The following RIMS1 variants were observed in gnomAD, a reference collection of about 807,000 sequenced individuals.
The protein encoded by RIMS1 is regulating synaptic membrane exocytosis protein 1.
RIMS1 carries 83 observed loss-of-function variants against 214.1 expected under a neutral mutation model. The observed-to-expected ratio is 0.39, with a 90% CI of 0.32 to 0.47. The LOEUF is 0.47. Among genes scored for constraint, RIMS1 ranks in the 20% least tolerant of loss-of-function variants. The pLI is 0.99. For missense variants in RIMS1, 2,050 were observed against 2,161.8 expected (o/e 0.95, Z 1.03); for synonymous variants, 793 against 786.8 (o/e 1.01, Z -0.13).
At chr6:72,202,033 T>C (rs572075287) in intron 6 of RIMS1, among the ~76,000 whole-genome samples, 22 of 152,358 alleles carry the variant, frequency 1.4e-4, no homozygotes, top group Admixed American at 4.6e-4. Flanking sequence ...ATTCTAGGTT[T>C]ATTGTATTTA....
Position 71,992,299 on chromosome 6 carries a change from A to G in RIMS1, c.245+23236A>G, listed in dbSNP as rs534021686. Among the ~76,000 whole-genome samples, 70 of 152,178 alleles carry G rather than the reference A, an allele frequency of 4.6e-4. 1 individual carries two copies. The South Asian group carries it at 0.014, about 30-fold the overall frequency. ...CACTGCAGTGGAATCATTGGTGCCA[A>G]TTTGCACCAGGAATGTTATGCATGA... On this transcript the variant is annotated intron_variant, in intron 2 of 33. Coordinates refer to ENST00000521978, the MANE Select transcript of RIMS1 (RefSeq NM_014989.7).
intron 4 of RIMS1, among the ~76,000 whole-genome samples, chr6:72,177,047 A>G (rs964006852): frequency 2.6e-5 from 4 of 152,198 alleles, no homozygotes; most frequent in Non-Finnish European, 4.4e-5. Flanking sequence ...AATAATTTCT[A>G]GAGAATATTC....
intron 2 of RIMS1, among the ~76,000 whole-genome samples, chr6:72,009,098 A>G (rs1281890119): frequency 3.9e-5 from 6 of 152,182 alleles, no homozygotes; most frequent in Non-Finnish European, 7.3e-5. Context: ...AGCAAATGTA[A>G]AAGAACAGAA....
chr6:72,190,866 A>G (rs904533389), intron 6 of RIMS1, among the ~76,000 whole-genome samples: 2 of 152,184 alleles, frequency 1.3e-5, no homozygotes, highest in Admixed American at 6.5e-5. Flanking sequence ...GACTTGACCC[A>G]TGGTCAAACA....
At chr6:72,359,374 C>T (rs1440630075) in intron 29 of RIMS1, among the ~76,000 whole-genome samples, 5 of 152,164 alleles carry the variant, frequency 3.3e-5, no homozygotes, top group Non-Finnish European at 5.9e-5. Context: ...TTACTGAGAA[C>T]ACCTTTACAT....
intron 1 of RIMS1, among the ~76,000 whole-genome samples, chr6:71,961,660 T>G (rs1792986625): frequency 6.6e-6 from 1 of 152,162 alleles, no homozygotes; most frequent in Non-Finnish European, 1.5e-5. Context: ...CTCATCTTAT[T>G]TGATACCTCC....
intron 2 of RIMS1, among the ~76,000 whole-genome samples, chr6:72,084,465 A>G (rs906112033): frequency 6.6e-6 from 1 of 152,168 alleles, no homozygotes; most frequent in Non-Finnish European, 1.5e-5. Flanking sequence ...TCAGTTTCAG[A>G]CCTCTGATAT....
At chr6:71,980,718 G>A (rs941634760) in intron 2 of RIMS1, among the ~76,000 whole-genome samples, 3 of 152,032 alleles carry the variant, frequency 2.0e-5, no homozygotes, top group Non-Finnish European at 2.9e-5. Context: ...ATTAGTAGAT[G>A]ATTAAAATAG....
chr6:72,262,373 A>G, intron 19 of RIMS1: 2 of 978,052 alleles, frequency 2.0e-6, no homozygotes, highest in Non-Finnish European at 1.2e-6. Flanking sequence ...TCATATTTGT[A>G]TGTATACAAT....
intron 19 of RIMS1, chr6:72,261,739 T>TA: frequency 1.0e-6 from 1 of 985,322 alleles, no homozygotes; most frequent in Non-Finnish European, 1.2e-6. Flanking sequence ...TTCTGCCCAA[T>TA]AATGCAAACA....
chr6:71,996,715 C>G (rs1803539991), intron 2 of RIMS1, among the ~76,000 whole-genome samples: 1 of 152,152 alleles, frequency 6.6e-6, no homozygotes, highest in Non-Finnish European at 1.5e-5. Flanking sequence ...AGGGGTTCTT[C>G]CTGGCACAAC....
intron 2 of RIMS1, among the ~76,000 whole-genome samples, chr6:71,975,145 A>T (rs1453127719): frequency 6.6e-6 from 1 of 152,256 alleles, no homozygotes; most frequent in Non-Finnish European, 1.5e-5. Flanking sequence ...TCATGTTATT[A>T]AAAATTCTGT....
rs781695745 is a variant in RIMS1 at position 71,969,079 on chromosome 6, G to C, written c.245+16G>C. ...AACCTTCACCGTGAGTATGGCATTGGTTTTATTGACTGAAAATGTCGTCTC... is the reference window on the plus strand; with the variant it reads ...AACCTTCACCGTGAGTATGGCATTGCTTTTATTGACTGAAAATGTCGTCTC... On this transcript the variant is annotated intron_variant, in intron 2 of 33. Coordinates refer to ENST00000521978, the MANE Select transcript of RIMS1 (RefSeq NM_014989.7). 1.9e-6 allele frequency: 3 copies of C among 1,612,160 alleles called. No homozygotes were observed. The highest frequency in any genetic ancestry group is 2.5e-6 in the Non-Finnish European group (3 of 1,178,382).
chr6:72,021,142 G>A (rs1248266946), intron 2 of RIMS1, among the ~76,000 whole-genome samples: 2 of 152,280 alleles, frequency 1.3e-5, no homozygotes, highest in African/African-American at 2.4e-5. Context: ...TAAAGAGTTG[G>A]CTCACTTTAG....
At chr6:72,120,926 T>G (rs2038156602) in intron 4 of RIMS1, among the ~76,000 whole-genome samples, 1 of 152,084 alleles carries the variant, frequency 6.6e-6, no homozygotes, top group South Asian at 2.1e-4. Context: ...TCCCCATTTC[T>G]TGTTTTTGTT....
intron 4 of RIMS1, among the ~76,000 whole-genome samples, chr6:72,137,660 A>C (rs1430625166): frequency 6.6e-6 from 1 of 151,000 alleles, no homozygotes; most frequent in African/African-American, 2.4e-5. Flanking sequence ...TGTTTACTTT[A>C]TAGCTTTCTT....
intron 29 of RIMS1, among the ~76,000 whole-genome samples, chr6:72,384,088 A>T (rs2098544185): frequency 6.6e-6 from 1 of 152,164 alleles, no homozygotes; most frequent in African/African-American, 2.4e-5. Context: ...GACTGCTTTG[A>T]TTGGAAGATG....
chr6:72,351,093 T>C (rs537766427), intron 29 of RIMS1, among the ~76,000 whole-genome samples: 3 of 152,142 alleles, frequency 2.0e-5, no homozygotes, highest in Non-Finnish European at 2.9e-5. Flanking sequence ...ATATACATGG[T>C]ATATGAAATG....
At chr6:72,175,331 T>C (rs1453927081) in intron 4 of RIMS1, 1 of 382,958 alleles carries the variant, frequency 2.6e-6, no homozygotes, top group East Asian at 8.3e-5. Flanking sequence ...TATATTATAA[T>C]ACTAAGTACC....
Sources: allele counts gnomAD v4.1 joint callset (sites outside exome capture counted in the v4.1 genomes callset), GRCh38; gene constraint gnomAD v4.1.1; transcripts MANE v1.5; gene names NCBI Gene and HGNC (gene_info 2026-07-23, HGNC 2026-07-21).